KRT28: variants seen among roughly 807,000 people sequenced by gnomAD.
KRT28 encodes keratin 28.
KRT28 carries 45 observed loss-of-function variants against 48.1 expected under a neutral mutation model. The observed-to-expected ratio is 0.94, with a 90% CI of 0.74 to 1.20. KRT28 has a LOEUF of 1.20. Among genes scored for constraint, KRT28 ranks in the 50% most tolerant of loss-of-function variants. The probability of loss-of-function intolerance (pLI) is 0.00; values close to 1 mark genes in which losing one functional copy is unlikely to be tolerated. For synonymous variants in KRT28, 228 were observed against 227.4 expected, an observed-to-expected ratio of 1.00 and a Z score of -0.03; for missense variants, 571 against 574.1, an observed-to-expected ratio of 0.99 and a Z score of 0.06.
At chr17:40,798,482 G>T in intron 2 of KRT28, 91 bp from the exon 3 acceptor site, 1 of 1,376,924 alleles carries the variant, frequency 7.3e-7, no homozygotes, top group South Asian at 1.4e-5. Context: ...CTGAAAATTA[G>T]AAATTGAATT....
Position 40,799,802 on chromosome 17 carries a change from G to A in KRT28, c.92C>T (p.Ala31Val), listed in dbSNP as rs979705261. Residue 31 changes from alanine to valine, a missense_variant, in exon 1 of 8, where the codon GCA becomes GTA. Physicochemically the swap from Ala to Val is moderately conservative, Grantham distance 64 (BLOSUM62 0). Coordinates refer to ENST00000306658, the MANE Select transcript of KRT28 (RefSeq NM_181535.3). Reference sequence around the variant, plus strand: ...AGAGCCACCACATGCACTGCTGCCTGCAAAGCCTGCACCTCCATTGAGGGG... The same window carrying A: ...AGAGCCACCACATGCACTGCTGCCTACAAAGCCTGCACCTCCATTGAGGGG... Reference protein sequence around the residue: ...VRPLNGGAGFAGSSACGGSVA... With the variant: ...VRPLNGGAGFVGSSACGGSVA... The A allele has an allele frequency of 2.3e-5, 37 of 1,613,974 alleles. No individual in the cohort carries two copies. The highest frequency in any genetic ancestry group is 3.1e-5 in the Non-Finnish European group (36 of 1,179,976).
chr17:40,793,704 G>A (rs761810160), intron 6 of KRT28, 125 bp downstream of exon 6: 25 of 876,110 alleles, frequency 2.9e-5, no homozygotes, highest in Non-Finnish European at 4.3e-5. Flanking sequence ...AAAAACAAGA[G>A]ATGGACATGC....
chr17:40,792,453 T>C lies in KRT28; in HGVS notation c.1369A>G (p.Lys457Glu). The C allele has an allele frequency of 6.2e-7, 1 of 1,613,346 alleles. No individual in the cohort carries two copies. The highest frequency in any genetic ancestry group is 8.5e-7 in the Non-Finnish European group (1 of 1,179,722). Residue 457 changes from lysine (K) to glutamate (E), a missense_variant, in exon 8 of 8, where the codon AAG becomes GAG. Physicochemically the swap from Lys to Glu is moderately conservative, Grantham distance 56. Coordinates refer to ENST00000306658, the MANE Select transcript of KRT28 (RefSeq NM_181535.3). Reference sequence around the variant, plus strand: ...TAGAAAGGAACCCTTTGTTCTGTCTTGCCGTTGGTCATTTTAGATGTCTTT... The same window carrying C: ...TAGAAAGGAACCCTTTGTTCTGTCTCGCCGTTGGTCATTTTAGATGTCTTT... ...EEKTSKMTNGKTEQRVPF is the reference protein window; with the variant it reads ...EEKTSKMTNGETEQRVPF
In KRT28 at chr17:40,792,518, C is replaced by T. The variant is rs750808725; in HGVS notation, c.1304G>A (p.Arg435His). The change falls in exon 8 of 8, where the codon CGT (arginine) becomes CAT (histidine). Residue 435 changes from arginine to histidine, a missense_variant. Arg to His is a conservative substitution (Grantham distance 29). Transcript: ENST00000306658. ...VKTVVEELDQ[R>H]GKVLSSRIHS... is the part of the protein sequence containing the mutation. ...AATCCTTGATGAAAGAACTTTACCA[C>T]GTTGATCTAGCTCTTCAACCACTGT... is the stretch of plus-strand genomic sequence containing the variant. The T allele has an allele frequency of 2.9e-5, 46 of 1,613,136 alleles. No individual in the cohort carries two copies. Among genetic ancestry groups the T allele is most frequent in the Non-Finnish European group, 3.6e-5 (43 of 1,179,586 alleles).
At chr17:40,793,306 C>G (rs557475222) in intron 6 of KRT28, 96 bp from the exon 7 acceptor site, 25 of 730,414 alleles carry the variant, frequency 3.4e-5, no homozygotes, top group African/African-American at 2.1e-4. Flanking sequence ...ATGCCAAAAA[C>G]AGGTCTTAGT....
At chr17:40,793,748 G>T in intron 6 of KRT28, 81 bp downstream of exon 6, 3 of 1,351,366 alleles carry the variant, frequency 2.2e-6, no homozygotes, top group Non-Finnish European at 3.2e-6. Context: ...GAAAAGGCTT[G>T]GAAGTATGGA....
chr17:40,795,329 C>T (rs569323381), intron 5 of KRT28, among the ~76,000 whole-genome samples: 34 of 152,242 alleles, frequency 2.2e-4, no homozygotes, highest in Non-Finnish European at 2.9e-5. Context: ...CCTGGTAATG[C>T]GTCCTCCTAG....
At chr17:40,795,184 C>T (rs150529455) in intron 5 of KRT28, among the ~76,000 whole-genome samples, 9 of 152,270 alleles carry the variant, frequency 5.9e-5, no homozygotes, top group East Asian at 5.8e-4. Context: ...GGCAAACAGA[C>T]GTGTTACATG....
At position 40,799,354 on chromosome 17, in the gene KRT28, C is replaced by A. The variant is rs1397642148; in HGVS notation, c.450+90G>T. The A allele has an allele frequency of 3.9e-6, 4 of 1,034,998 alleles. No individual in the cohort carries two copies. The African/African-American group carries it at 4.8e-5, about 12-fold the overall frequency. The allele number at this position is 1,034,998 out of a possible 1,614,324, so 64.1% of individuals were successfully genotyped here. A position where few individuals can be genotyped will look rare whatever the true frequency, so the allele number is the denominator to read the frequency against. The stretch of plus-strand genomic sequence containing the variant: ...CTAAATAAATAAATACAAGTTATAA[C>A]AGTCATGAAGCATTTCTTATTGTAT... On this transcript the variant is annotated intron_variant, in intron 1 of 7. Transcript: ENST00000306658.
chr17:40,795,413 C>A (rs192707050), intron 5 of KRT28, among the ~76,000 whole-genome samples: 77 of 152,290 alleles, frequency 5.1e-4, no homozygotes, highest in African/African-American at 1.8e-3. Flanking sequence ...AGTCTTCCAC[C>A]GTGAAGGCTG....
chr17:40,798,573 G>A (rs777275576), intron 2 of KRT28, among the ~76,000 whole-genome samples, 182 bp from the exon 3 acceptor site: 4 of 152,202 alleles, frequency 2.6e-5, no homozygotes, highest in Admixed American at 6.5e-5. Context: ...ATAATTGGAA[G>A]TTATTTCATC....
rs773284630 is a variant in KRT28 at position 40,793,858 on chromosome 17, G to A, written c.1167C>T (p.Thr389=). Residue 389 remains threonine, a synonymous_variant, in exon 6 of 8, where the codon ACC becomes ACT. Coordinates refer to ENST00000306658, the MANE Select transcript of KRT28 (RefSeq NM_181535.3). ...CATCTCCATCTATCAGGCGGCAGTA[G>A]GTCTCAATTTCTTTTTCCAAGTGGA... ...VKVHLEKEIE[T]YCRLIDGDGN... The A allele has an allele frequency of 2.5e-6, 4 of 1,613,890 alleles. No individual in the cohort carries two copies. Among genetic ancestry groups the A allele is most frequent in the Admixed American group, 3.3e-5 (2 of 60,004 alleles).
intron 2 of KRT28, 141 bp downstream of exon 2, chr17:40,798,776 T>C: frequency 1.6e-6 from 1 of 613,850 alleles, no homozygotes; most frequent in Non-Finnish European, 2.8e-6. Flanking sequence ...AAGTTGATTG[T>C]AACATTATAA....
At chr17:40,799,075 G>A (rs531872413) in intron 1 of KRT28, 76 bp from the exon 2 acceptor site, 2 of 926,364 alleles carry the variant, frequency 2.2e-6, no homozygotes, top group African/African-American at 1.7e-5. Flanking sequence ...AAATGAAAAA[G>A]GTTACTCAAG....
chr17:40,793,073 C>T (rs1904528452), intron 7 of KRT28, 82 bp downstream of exon 7: 2 of 885,900 alleles, frequency 2.3e-6, no homozygotes, highest in Non-Finnish European at 3.4e-6. Context: ...GCATTCCAGC[C>T]TGGGCAACAG....
rs756835671 is a variant in KRT28 at position 40,793,933 on chromosome 17, G to T, written c.1092C>A (p.Thr364=). 6.2e-7 allele frequency: 1 copy of T among 1,613,924 alleles called. No individual in the cohort carries two copies. Among genetic ancestry groups the T allele is most frequent in the Non-Finnish European group, 8.5e-7 (1 of 1,179,864 alleles). Residue 364 remains threonine, a synonymous_variant, in exon 6 of 8, where the codon ACC becomes ACA. Coordinates refer to ENST00000306658, the MANE Select transcript of KRT28 (RefSeq NM_181535.3). ...ALEEQLHQVR[T]ETEGQKLEYE... ...ACTCCAGCTTCTGGCCCTCGGTCTC[G>T]GTTCTGACCTGGTGCAGCTGCTCCT...
intron 4 of KRT28, 34 bp downstream of exon 4, chr17:40,797,086 G>A: frequency 6.2e-7 from 1 of 1,611,954 alleles, no homozygotes; most frequent in Non-Finnish European, 8.5e-7. Context: ...CCACCCCCGG[G>A]GAGGTGTGAG....
Position 40,792,324 on chromosome 17 carries a change from A to T in KRT28, c.*103T>A. 1 of 899,796 alleles carries T rather than the reference A, an allele frequency of 1.1e-6. No homozygotes were observed. The highest frequency in any genetic ancestry group is 3.4e-4 in the Middle Eastern group (1 of 2,970). The allele number at this position is 899,796 out of a possible 1,614,324, so 55.7% of individuals were successfully genotyped here. A position where few individuals can be genotyped will look rare whatever the true frequency, so the allele number is the denominator to read the frequency against. ...AGAAAACAGGTATTTTTGCTAAGTA[A>T]TGTATCTTTAAAAGTAAAAAGTGTG... On this transcript the variant is annotated 3_prime_UTR_variant, in exon 8 of 8. Transcript: ENST00000306658.
At chr17:40,796,791 C>T (rs1311113224) in intron 5 of KRT28, 125 bp downstream of exon 5, 2 of 1,290,670 alleles carry the variant, frequency 1.5e-6, no homozygotes, top group African/African-American at 3.0e-5. Flanking sequence ...TGCTCTCCTC[C>T]ACTCTCTCTG....
Sources: allele counts gnomAD v4.1 joint callset (sites outside exome capture counted in the v4.1 genomes callset), GRCh38; gene constraint gnomAD v4.1.1; transcripts MANE v1.5; gene names NCBI Gene and HGNC (gene_info 2026-07-23, HGNC 2026-07-21).